Variants in COL19A1 observed in about 807,000 individuals in gnomAD.
The protein encoded by COL19A1 is collagen alpha-1(XIX) chain.
Under a neutral mutation model 190.2 loss-of-function variants are expected in COL19A1, and 159 were observed. The observed-to-expected ratio is 0.84, with a 90% CI of 0.73 to 0.95. COL19A1 has a LOEUF of 0.95. Among genes scored for constraint, COL19A1 ranks in the 40% least tolerant of loss-of-function variants. The pLI, the probability that COL19A1 is intolerant of heterozygous loss-of-function variation, is 0.00. For missense variants in COL19A1, 1,418 were observed against 1,431.9 expected (o/e 0.99, Z 0.16); for synonymous variants, 509 against 458.9 (o/e 1.11, Z -1.39).
At chr6:70,204,979 A>G (rs1198474094) in intron 49 of COL19A1, among the ~76,000 whole-genome samples, 2 of 152,184 alleles carry the variant, frequency 1.3e-5, no homozygotes, top group Non-Finnish European at 2.9e-5. Flanking sequence ...GTTAAATGAA[A>G]GTCACCTATA....
At chr6:69,989,845 G>C (rs907005256) in intron 11 of COL19A1, among the ~76,000 whole-genome samples, 17 of 152,100 alleles carry the variant, frequency 1.1e-4, no homozygotes, top group Admixed American at 9.8e-4. Context: ...AAGCAGAGTA[G>C]TAGTACCTAA....
At chr6:70,020,481 T>A (rs1778356624) in intron 11 of COL19A1, among the ~76,000 whole-genome samples, 1 of 152,120 alleles carries the variant, frequency 6.6e-6, no homozygotes, top group South Asian at 2.1e-4. Context: ...TTCTAATCCA[T>A]CCAGAATTAA....
At chr6:69,876,426 A>T (rs1768130721) in intron 1 of COL19A1, among the ~76,000 whole-genome samples, 1 of 152,180 alleles carries the variant, frequency 6.6e-6, no homozygotes. Context: ...ATCAACCTCA[A>T]GCTTAAGAGA....
chr6:70,155,688 C>A (rs957626377), intron 31 of COL19A1, among the ~76,000 whole-genome samples: 7 of 152,152 alleles, frequency 4.6e-5, no homozygotes, highest in African/African-American at 1.7e-4. Context: ...ATCCTTTCTT[C>A]ACAATTTTTT....
intron 14 of COL19A1, among the ~76,000 whole-genome samples, chr6:70,062,328 G>T (rs9454955): frequency 1.1e-3 from 170 of 151,940 alleles, no homozygotes; most frequent in Admixed American, 2.9e-3. Context: ...ATTAAAATAC[G>T]TATATTACTT....
rs1182063692 is a variant in COL19A1, at chr6:69,932,786, G to T, written c.670G>T (p.Glu224Ter). The change falls in exon 7 of 51, where the codon GAA (glutamate) becomes TAA (stop). Residue 224 changes from glutamate (E) to a stop codon, truncating the protein, a stop_gained. Transcript: ENST00000620364. LOFTEE classifies it high-confidence loss of function. Reference sequence around the variant, plus strand: ...CTTATTACTAATTTTTTCATAGATTGAACTTCACCAACTTAAAATCTACTG... The same window carrying T: ...CTTATTACTAATTTTTTCATAGATTTAACTTCACCAACTTAAAATCTACTG... ...RASDGKPVDI[E>*]LHQLKIYCSA... 2 of 1,588,696 alleles carry T rather than the reference G, an allele frequency of 1.3e-6. No individual in the cohort carries two copies. The highest frequency in any genetic ancestry group is 1.7e-6 in the Non-Finnish European group (2 of 1,163,486).
At chr6:69,977,419 G>T (rs1370753828) in intron 11 of COL19A1, among the ~76,000 whole-genome samples, 6 of 140,934 alleles carry the variant, frequency 4.3e-5, no homozygotes, top group African/African-American at 1.3e-4. Context: ...GTTGTGGGGT[G>T]GGGGGAGGGG....
At chr6:69,961,509 C>A (rs1316232352) in intron 10 of COL19A1, among the ~76,000 whole-genome samples, 1 of 152,128 alleles carries the variant, frequency 6.6e-6, no homozygotes, top group Non-Finnish European at 1.5e-5. Context: ...GGCTGATGTA[C>A]TGGAGGCGTT....
At chr6:69,937,910 AC>A in intron 8 of COL19A1, 127 bp from the exon 9 acceptor site, 1 of 768,372 alleles carries the variant, frequency 1.3e-6, no homozygotes, top group South Asian at 1.9e-5. Context: ...ACTATTCCTC[AC>A]TCTAAGCATC....
chr6:70,004,944 T>G (rs1480402825), intron 11 of COL19A1, among the ~76,000 whole-genome samples: 1 of 151,990 alleles, frequency 6.6e-6, no homozygotes, highest in Non-Finnish European at 1.5e-5. Context: ...GCCATTCTCC[T>G]GCCTCAGCCT....
At chr6:69,907,382 G>A (rs900624449) in intron 4 of COL19A1, among the ~76,000 whole-genome samples, 1 of 151,866 alleles carries the variant, frequency 6.6e-6, no homozygotes, top group African/African-American at 2.4e-5. Flanking sequence ...CACCCGCCTC[G>A]GCCCCCCAAA....
intron 9 of COL19A1, among the ~76,000 whole-genome samples, chr6:69,938,711 A>T (rs1204962770): frequency 6.6e-6 from 1 of 151,930 alleles, no homozygotes; most frequent in Non-Finnish European, 1.5e-5. Flanking sequence ...GCTAGGGAGG[A>T]TTTAATGGAG....
At chr6:70,175,557 C>T (rs1455114278) in intron 41 of COL19A1, among the ~76,000 whole-genome samples, 2 of 151,832 alleles carry the variant, frequency 1.3e-5, no homozygotes, top group Non-Finnish European at 2.9e-5. Context: ...TTATAAATGC[C>T]GGTCTGTTTC....
At chr6:70,070,910 A>G (rs939278400) in intron 15 of COL19A1, among the ~76,000 whole-genome samples, 3 of 152,142 alleles carry the variant, frequency 2.0e-5, no homozygotes, top group African/African-American at 7.2e-5. Context: ...TATTTACCCA[A>G]TGTTAAAAAC....
Position 69,927,897 on chromosome 6 carries a change from T to G in COL19A1, c.267-12T>G, listed in dbSNP as rs1371324019. ...AGTTTCCCCACAAAAGTTCTTTGTT[T>G]TCCTCCCACAGTAAGATATTTCCCA... is the stretch of plus-strand genomic sequence containing the variant. On this transcript the variant is annotated splice_polypyrimidine_tract_variant and intron_variant, in intron 4 of 50. Coordinates refer to ENST00000620364, the MANE Select transcript of COL19A1 (RefSeq NM_001858.6). 1 of 1,587,620 alleles carries G rather than the reference T, an allele frequency of 6.3e-7. No homozygotes were observed.
chr6:70,179,317 C>T (rs1766018495), intron 42 of COL19A1, among the ~76,000 whole-genome samples: 1 of 152,156 alleles, frequency 6.6e-6, no homozygotes, highest in South Asian at 2.1e-4. Flanking sequence ...CACCTACATC[C>T]CACGTCGTCT....
chr6:70,054,716 G>T (rs12190028), intron 14 of COL19A1, among the ~76,000 whole-genome samples: 48,340 of 151,986 alleles, frequency 0.32, 9,729 homozygotes, highest in Non-Finnish European at 0.44. Context: ...ATGCATTGGG[G>T]ACAACTACAT....
At chr6:70,177,117 G>A in intron 42 of COL19A1, among the ~76,000 whole-genome samples, 1 of 152,086 alleles carries the variant, frequency 6.6e-6, no homozygotes, top group East Asian at 1.9e-4. Context: ...CAAATGAATA[G>A]GAAGTGTTCC....
chr6:69,925,850 T>C (rs1366394314), intron 4 of COL19A1, among the ~76,000 whole-genome samples: 8 of 152,212 alleles, frequency 5.3e-5, no homozygotes, highest in African/African-American at 1.9e-4. Context: ...TTGAAGTAAT[T>C]GCAAATGGGA....
Sources: gnomAD v4.1 joint callset for allele counts (sites outside exome capture counted in the v4.1 genomes callset) on GRCh38, gnomAD v4.1.1 for gene constraint, MANE v1.5 for transcripts, NCBI Gene and HGNC (gene_info 2026-07-23, HGNC 2026-07-21) for gene names.